NBEAL1: variants seen among roughly 807,000 people sequenced by gnomAD.
NBEAL1 encodes neurobeachin-like protein 1.
A neutral mutation model predicts 351.3 loss-of-function variants in NBEAL1; 273 were observed. That is an observed-to-expected ratio of 0.78 (90% confidence interval 0.70 to 0.86). The LOEUF is 0.86. Among genes scored for constraint, NBEAL1 ranks in the 40% least tolerant of loss-of-function variants. The probability of loss-of-function intolerance (pLI) is 0.00; values close to 1 mark genes in which losing one functional copy is unlikely to be tolerated. For synonymous variants in NBEAL1, 1,050 were observed against 1,086.4 expected (o/e 0.97, Z 0.66); for missense variants, 2,961 against 3,201.3 (o/e 0.92, Z 1.81).
intron 38 of NBEAL1, among the ~76,000 whole-genome samples, chr2:203,169,404 A>C (rs1381941779): frequency 6.6e-6 from 1 of 150,624 alleles, no homozygotes; most frequent in Non-Finnish European, 1.5e-5. Context: ...AAAAAAAAAA[A>C]AAAAAAACCA....
At chr2:203,200,387 C>T (rs1165578016) in intron 49 of NBEAL1, among the ~76,000 whole-genome samples, 1 of 152,146 alleles carries the variant, frequency 6.6e-6, no homozygotes, top group Admixed American at 6.5e-5. Flanking sequence ...GTGGCAGGCG[C>T]CTGTAGTCCC....
At position 203,171,982 on chromosome 2, in the gene NBEAL1, A is replaced by G. The variant is rs765248013; in HGVS notation, c.6157A>G (p.Met2053Val). ...NFDYLIQINTMAGRTYNDLAQ... is the reference protein window; with the variant it reads ...NFDYLIQINTVAGRTYNDLAQ... ...TGACTACCTCATTCAAATAAATACA[A>G]TGGCAGGACGAACCTATAATGACCT... is the stretch of plus-strand genomic sequence containing the variant. Residue 2053 changes from methionine to valine, a missense_variant, in exon 40 of 56, where the codon ATG becomes GTG. Transcript: ENST00000683969. 1.9e-6 allele frequency: 3 copies of G among 1,608,808 alleles called. No homozygotes were observed. Among genetic ancestry groups the G allele is most frequent in the Non-Finnish European group, 2.5e-6 (3 of 1,178,260 alleles).
chr2:203,053,499 C>T (rs185079055), intron 4 of NBEAL1, among the ~76,000 whole-genome samples: 2 of 151,404 alleles, frequency 1.3e-5, no homozygotes, highest in Admixed American at 6.6e-5. Flanking sequence ...TTTTTTTTGT[C>T]GTCGTCGTTG....
Position 203,017,525 on chromosome 2 carries a change from A to C in NBEAL1, c.51+1090A>C, listed in dbSNP as rs541393933. 8.5e-5 allele frequency among the ~76,000 whole-genome samples: 13 copies of C among 152,300 alleles called. No homozygotes were observed. In the East Asian group the frequency reaches 2.5e-3, roughly 29 times the overall value. On this transcript the variant is annotated intron_variant, in intron 2 of 55. Coordinates refer to ENST00000683969, the MANE Select transcript of NBEAL1 (RefSeq NM_001378026.1). ...ACCAGAAATGTCTTTTTAAAAATAG[A>C]CGCTTCCAATAAAAAAGGAATCCAA...
chr2:203,072,376 G>A (rs1410625588), intron 7 of NBEAL1, among the ~76,000 whole-genome samples: 2 of 151,194 alleles, frequency 1.3e-5, no homozygotes, highest in East Asian at 3.9e-4. Flanking sequence ...CACACCCTCA[G>A]TATTTTCTTT....
At chr2:203,023,547 A>C (rs1159353013) in intron 2 of NBEAL1, among the ~76,000 whole-genome samples, 3 of 152,020 alleles carry the variant, frequency 2.0e-5, no homozygotes, top group Non-Finnish European at 4.4e-5. Flanking sequence ...ATAGTACTTA[A>C]GTGTAAGTGT....
intron 17 of NBEAL1, among the ~76,000 whole-genome samples, chr2:203,114,413 A>G (rs2062643024): frequency 6.6e-6 from 1 of 152,228 alleles, no homozygotes; most frequent in Admixed American, 6.5e-5. Context: ...TTCAACTGAT[A>G]TATTAATATA....
At chr2:203,159,892 C>T (rs1280778878) in intron 36 of NBEAL1, among the ~76,000 whole-genome samples, 8 of 151,820 alleles carry the variant, frequency 5.3e-5, no homozygotes, top group Admixed American at 5.3e-4. Flanking sequence ...TCTACCTCAA[C>T]TCTTGTTATT....
chr2:203,045,989 T>A (rs1331608278), intron 3 of NBEAL1, among the ~76,000 whole-genome samples: 1 of 152,186 alleles, frequency 6.6e-6, no homozygotes, highest in East Asian at 1.9e-4. Context: ...ACCTTCTGGT[T>A]TGAGACCCCT....
At chr2:203,192,381 G>T (rs957007816) in intron 46 of NBEAL1, among the ~76,000 whole-genome samples, 3 of 147,180 alleles carry the variant, frequency 2.0e-5, no homozygotes, top group Admixed American at 1.4e-4. Flanking sequence ...TTTATTAAAA[G>T]ATAATTTTTT....
chr2:203,157,764 A>G lies in NBEAL1; in HGVS notation c.5653A>G (p.Ser1885Gly), dbSNP rs189115709. Residue 1885 changes from serine (S) to glycine (G), a missense_variant, in exon 36 of 56, where the codon AGT becomes GGT. Coordinates refer to ENST00000683969, the MANE Select transcript of NBEAL1 (RefSeq NM_001378026.1). ...LLEVVKQVKVSDMVEDKLDLP... is the reference protein window; with the variant it reads ...LLEVVKQVKVGDMVEDKLDLP... ...GGAAGTAGTGAAACAAGTAAAAGTT[A>G]GTGATATGGTGGAGGATAAATTAGA... The G allele has an allele frequency of 4.4e-6, 7 of 1,596,694 alleles. No homozygotes were observed. The Admixed American group carries it at 1.0e-4, about 24-fold the overall frequency.
At position 203,183,294 on chromosome 2, in the gene NBEAL1, G is replaced by A. The variant is rs542826847; in HGVS notation, c.6611G>A (p.Arg2204His). Residue 2204 changes from arginine (R) to histidine (H), a missense_variant, in exon 44 of 56, where the codon CGT becomes CAT. Physicochemically the swap from Arg to His is conservative, Grantham distance 29 (BLOSUM62 0). Coordinates refer to ENST00000683969, the MANE Select transcript of NBEAL1 (RefSeq NM_001378026.1). ...LENQNQFNLG[R>H]LQISKELVND... The stretch of plus-strand genomic sequence containing the variant: ...CATGTCTTAGAATTTAACTTGGGTC[G>A]TCTACAGATTTCCAAAGAATTAGTA... 4.4e-5 allele frequency: 70 copies of A among 1,575,166 alleles called. No individual in the cohort carries two copies. Among genetic ancestry groups the A allele is most frequent in the South Asian group, 8.3e-5 (7 of 84,506 alleles).
chr2:203,193,893 C>G lies in NBEAL1; in HGVS notation c.7020C>G (p.Leu2340=). ...TLNLFQHLPE[L]KSFFIEGISD... ...ACCTGTTTCAACACCTTCCTGAACT[C>G]AAGTCATTTTTTATAGAGGTAATAT... Residue 2340 remains leucine, a synonymous_variant, in exon 47 of 56, where the codon CTC becomes CTG. Transcript: ENST00000683969. 1.2e-6 allele frequency: 2 copies of G among 1,605,992 alleles called. No homozygotes were observed. Among genetic ancestry groups the G allele is most frequent in the East Asian group, 2.2e-5 (1 of 44,588 alleles).
rs772554627 is a variant in NBEAL1, at chr2:203,157,683, T to C, written c.5588-16T>C. The stretch of plus-strand genomic sequence containing the variant: ...TTTTTACTTTATGTTTAATAGATAT[T>C]TTGTGTTTAAAACAGGTATCCAACA... On this transcript the variant is annotated splice_polypyrimidine_tract_variant and intron_variant, in intron 35 of 55. Transcript: ENST00000683969. 1.3e-6 allele frequency: 2 copies of C among 1,554,840 alleles called. No homozygotes were observed. The highest frequency in any genetic ancestry group is 2.5e-5 in the South Asian group (2 of 79,872).
At chr2:203,127,757 C>A (rs2062974924) in intron 23 of NBEAL1, 24 bp from the exon 24 acceptor site, 2 of 1,438,282 alleles carry the variant, frequency 1.4e-6, no homozygotes, top group Middle Eastern at 2.2e-4. Context: ...AATTTCAATT[C>A]TTATACTTTG....
chr2:203,122,347 A>C lies in NBEAL1; in HGVS notation c.2682+4A>C, dbSNP rs1250331133. ...AGTAGTGAACTGGGACATTAAGGTA[A>C]ATTAATAGTAAATGTTGGGCAACAT... On this transcript the variant is annotated splice_donor_region_variant and intron_variant, in intron 19 of 55. Coordinates refer to ENST00000683969, the MANE Select transcript of NBEAL1 (RefSeq NM_001378026.1). The C allele has an allele frequency of 6.7e-7, 1 of 1,487,456 alleles. No individual in the cohort carries two copies. The highest frequency in any genetic ancestry group is 9.1e-7 in the Non-Finnish European group (1 of 1,100,134). The allele number at this position is 1,487,456 out of a possible 1,614,324, so 92.1% of individuals were successfully genotyped here. A position where few individuals can be genotyped will look rare whatever the true frequency, so the allele number is the denominator to read the frequency against.
intron 55 of NBEAL1, among the ~76,000 whole-genome samples, chr2:203,214,282 C>G (rs1453368778): frequency 6.6e-6 from 1 of 152,184 alleles, no homozygotes; most frequent in African/African-American, 2.4e-5. Flanking sequence ...TTTTAAGTCA[C>G]TGTTGGTATT....
chr2:203,208,516 C>T, intron 51 of NBEAL1, 121 bp from the exon 52 acceptor site: 1 of 684,596 alleles, frequency 1.5e-6, no homozygotes, highest in Non-Finnish European at 2.6e-6. Flanking sequence ...TGAATAGACT[C>T]AGTGGTTGTA....
chr2:203,160,315 A>G (rs2063913541), intron 36 of NBEAL1, among the ~76,000 whole-genome samples: 1 of 152,124 alleles, frequency 6.6e-6, no homozygotes, highest in Non-Finnish European at 1.5e-5. Flanking sequence ...TCCTGACCTC[A>G]GGTGATCCAC....
Sources: allele counts gnomAD v4.1 joint callset (sites outside exome capture counted in the v4.1 genomes callset), GRCh38; gene constraint gnomAD v4.1.1; transcripts MANE v1.5; gene names NCBI Gene and HGNC (gene_info 2026-07-23, HGNC 2026-07-21).